FXR1: variants seen among roughly 807,000 people sequenced by gnomAD.
FXR1 encodes the protein RNA-binding protein FXR1.
FXR1 carries 15 observed loss-of-function variants against 84.0 expected under a neutral mutation model. The observed-to-expected ratio is 0.18, with a 90% CI of 0.12 to 0.27. The LOEUF is 0.27. FXR1 is among the 10% of genes least tolerant of loss of function. The probability of loss-of-function intolerance (pLI) is 1.00; values close to 1 mark genes in which losing one functional copy is unlikely to be tolerated. For synonymous variants in FXR1, 245 were observed against 250.7 expected (o/e 0.98, Z 0.21); for missense variants, 480 against 774.4 (o/e 0.62, Z 4.51).
At chr3:180,941,333 T>C (rs1721099112) in intron 3 of FXR1, among the ~76,000 whole-genome samples, 1 of 152,004 alleles carries the variant, frequency 6.6e-6, no homozygotes, top group African/African-American at 2.4e-5. Context: ...GCTGGGATCA[T>C]AGGCGTGTGC....
At chr3:180,954,872 AT>A (rs11328945) in intron 9 of FXR1, among the ~76,000 whole-genome samples, 32,630 of 114,322 alleles carry the variant, frequency 0.29, 4,422 homozygotes, top group African/African-American at 0.47. Flanking sequence ...TTCTAAAAAG[AT>A]TTTTTTTTTT....
chr3:180,952,051 A>G (rs569705214), intron 8 of FXR1, among the ~76,000 whole-genome samples: 2 of 152,310 alleles, frequency 1.3e-5, no homozygotes, highest in African/African-American at 4.8e-5. Context: ...AAATTTTTAT[A>G]TATACATACA....
intron 5 of FXR1, 66 bp downstream of exon 5, chr3:180,948,561 A>G (rs1226771171): frequency 8.4e-7 from 1 of 1,185,130 alleles, no homozygotes; most frequent in Non-Finnish European, 1.2e-6. Flanking sequence ...CCTACAAAAC[A>G]TTTTCCCTAA....
In FXR1 at chr3:180,980,908, G is replaced by A. The variant is rs1423955662; in HGVS notation, c.*4616G>A. On this transcript the variant is annotated 3_prime_UTR_variant, in exon 17 of 17. Coordinates refer to ENST00000357559, the MANE Select transcript of FXR1 (RefSeq NM_005087.4). ...GATACTTTACATAACCAAAAACCTAGGAGAGCATTCTACATTGTAATTTTT... is the reference window on the plus strand; with the variant it reads ...GATACTTTACATAACCAAAAACCTAAGAGAGCATTCTACATTGTAATTTTT... 2 of 151,652 alleles carry A rather than the reference G, an allele frequency of 1.3e-5. No homozygotes were observed. The highest frequency in any genetic ancestry group is 4.9e-5 in the African/African-American group (2 of 41,182). The allele number at this position is 151,652 out of a possible 1,614,324, so 9.4% of individuals were successfully genotyped here. A position where few individuals can be genotyped will look rare whatever the true frequency, so the allele number is the denominator to read the frequency against.
chr3:180,959,936 C>T (rs558433736), intron 10 of FXR1, among the ~76,000 whole-genome samples: 23 of 152,090 alleles, frequency 1.5e-4, no homozygotes, highest in Admixed American at 7.9e-4. Flanking sequence ...TCTTAAACCA[C>T]GCTTAGTTTC....
chr3:180,940,645 C>G (rs190982817), intron 3 of FXR1, among the ~76,000 whole-genome samples: 1 of 150,562 alleles, frequency 6.6e-6, no homozygotes, highest in African/African-American at 2.5e-5. Flanking sequence ...GGCGCCATCT[C>G]GGCTCAGCGC....
intron 13 of FXR1, among the ~76,000 whole-genome samples, chr3:180,966,547 G>A (rs189342722): frequency 6.6e-6 from 1 of 152,264 alleles, no homozygotes; most frequent in Non-Finnish European, 1.5e-5. Flanking sequence ...TCTTATCTGA[G>A]AGTTTAGCAA....
chr3:180,926,113 A>G (rs1719146355), intron 1 of FXR1, among the ~76,000 whole-genome samples: 1 of 152,168 alleles, frequency 6.6e-6, no homozygotes, highest in South Asian at 2.1e-4. Context: ...TTTTTTTAAC[A>G]CATTTGAGAA....
chr3:180,927,554 G>C, intron 1 of FXR1: 1 of 570,832 alleles, frequency 1.8e-6, no homozygotes. Flanking sequence ...CTCCTGTCAA[G>C]TTGAGAAACT....
At chr3:180,923,098 C>T (rs1036704740) in intron 1 of FXR1, among the ~76,000 whole-genome samples, 12 of 152,062 alleles carry the variant, frequency 7.9e-5, no homozygotes, top group South Asian at 2.1e-4. Context: ...TTAAATAGTA[C>T]GTTAATATTT....
In FXR1 at chr3:180,947,861, T is replaced by C; in HGVS notation, c.199-4T>C. ...TGGATATAGGCATTTTTTTTTCTTC[T>C]CAGGTATATTCAAGAGCAAATGACC... On this transcript the variant is annotated splice_region_variant and splice_polypyrimidine_tract_variant and intron_variant, in intron 3 of 16. Transcript: ENST00000357559. 1 of 1,577,164 alleles carries C rather than the reference T, an allele frequency of 6.3e-7. No homozygotes were observed. Among genetic ancestry groups the C allele is most frequent in the Non-Finnish European group, 8.7e-7 (1 of 1,155,734 alleles).
chr3:180,929,770 C>T (rs1025863014), intron 1 of FXR1, among the ~76,000 whole-genome samples: 2 of 152,194 alleles, frequency 1.3e-5, no homozygotes, highest in Non-Finnish European at 2.9e-5. Context: ...AAAGTATTGA[C>T]TGTGTCCTGT....
chr3:180,915,068 G>C, intron 1 of FXR1: 1 of 289,350 alleles, frequency 3.5e-6, no homozygotes, highest in Non-Finnish European at 5.2e-6. Context: ...TGAGGGGCTT[G>C]AAGTAGTTCT....
At chr3:180,958,114 A>G (rs918446788) in intron 10 of FXR1, among the ~76,000 whole-genome samples, 186 bp downstream of exon 10, 1 of 152,080 alleles carries the variant, frequency 6.6e-6, no homozygotes, top group Non-Finnish European at 1.5e-5. Flanking sequence ...CCTTGTTCTT[A>G]GTTGTTTTGA....
At chr3:180,933,224 C>T in intron 1 of FXR1, 110 bp from the exon 2 acceptor site, 1 of 666,118 alleles carries the variant, frequency 1.5e-6, no homozygotes, top group East Asian at 2.7e-5. Context: ...TGCCTAATTC[C>T]AAACCTTGTG....
chr3:180,982,224 C>T lies in FXR1; in HGVS notation c.*5932C>T, dbSNP rs1714644971. 4 of 152,030 alleles carry T rather than the reference C, an allele frequency of 2.6e-5. No homozygotes were observed. The highest frequency in any genetic ancestry group is 2.6e-4 in the Admixed American group (4 of 15,240). The allele number at this position is 152,030 out of a possible 1,614,324, so 9.4% of individuals were successfully genotyped here. A position where few individuals can be genotyped will look rare whatever the true frequency, so the allele number is the denominator to read the frequency against. On this transcript the variant is annotated 3_prime_UTR_variant, in exon 17 of 17. Coordinates refer to ENST00000357559, the MANE Select transcript of FXR1 (RefSeq NM_005087.4). Reference sequence around the variant, plus strand: ...ACTGAGATAAGGGAAGAATACTTAGCACAGTGCTAGTACACTGTAAGTACT... The same window carrying T: ...ACTGAGATAAGGGAAGAATACTTAGTACAGTGCTAGTACACTGTAAGTACT...
At chr3:180,951,195 C>A in intron 7 of FXR1, 103 bp from the exon 8 acceptor site, 1 of 672,792 alleles carries the variant, frequency 1.5e-6, no homozygotes, top group Non-Finnish European at 2.6e-6. Context: ...TGCACCCTAG[C>A]CTTGGTGACA....
intron 13 of FXR1, among the ~76,000 whole-genome samples, chr3:180,963,596 A>G (rs1712422610): frequency 6.6e-6 from 1 of 152,222 alleles, no homozygotes; most frequent in Non-Finnish European, 1.5e-5. Context: ...ATATATTAAC[A>G]TCTCACATCT....
Position 180,941,533 on chromosome 3 carries a change from T to C in FXR1, c.198+6302T>C, listed in dbSNP as rs538723507. ...TATACATGGATTATTTACTCTACTTTTTAAAAAGTTTTAAGTTTGATTCTT... is the reference window on the plus strand; with the variant it reads ...TATACATGGATTATTTACTCTACTTCTTAAAAAGTTTTAAGTTTGATTCTT... On this transcript the variant is annotated intron_variant, in intron 3 of 16. Transcript: ENST00000357559. 3.5e-3 allele frequency among the ~76,000 whole-genome samples: 530 copies of C among 152,316 alleles called. 1 individual carries two copies. The highest frequency in any genetic ancestry group is 5.2e-3 in the Non-Finnish European group (354 of 68,028).
Sources: gnomAD v4.1 joint callset for allele counts (sites outside exome capture counted in the v4.1 genomes callset) on GRCh38, gnomAD v4.1.1 for gene constraint, MANE v1.5 for transcripts, NCBI Gene and HGNC (gene_info 2026-07-23, HGNC 2026-07-21) for gene names.